The following SPTBN4 variants were observed in gnomAD, a reference collection of about 807,000 sequenced individuals.
SPTBN4 encodes spectrin beta chain, non-erythrocytic 4.
Under a neutral mutation model 277.8 loss-of-function variants are expected in SPTBN4, and 96 were observed. The observed-to-expected ratio is 0.35, with a 90% CI of 0.29 to 0.41. The LOEUF is 0.41. Ranked by LOEUF, SPTBN4 falls within the 10% of genes least tolerant of loss-of-function variation. The pLI is 1.00. For missense variants in SPTBN4, 3,006 were observed against 3,595.7 expected (o/e 0.84, Z 4.19); for synonymous variants, 1,481 against 1,580.3 (o/e 0.94, Z 1.49).
chr19:40,546,043 C>G (rs2080855024), intron 20 of SPTBN4, among the ~76,000 whole-genome samples: 1 of 122,546 alleles, frequency 8.2e-6, no homozygotes. Context: ...GAGCGAGACT[C>G]TGCCTCAAAA....
intron 25 of SPTBN4, among the ~76,000 whole-genome samples, chr19:40,556,626 C>G (rs760651831): frequency 6.6e-6 from 1 of 152,076 alleles, no homozygotes; most frequent in Non-Finnish European, 1.5e-5. Context: ...CTCTTACCTG[C>G]CACAAAATGG....
rs1421218481 is a variant in SPTBN4, at chr19:40,549,375, G to A, written c.4546G>A (p.Glu1516Lys). 1.3e-6 allele frequency: 2 copies of A among 1,483,616 alleles called. No individual in the cohort carries two copies. Among genetic ancestry groups the A allele is most frequent in the Middle Eastern group, 2.3e-4 (1 of 4,440 alleles). The allele number at this position is 1,483,616 out of a possible 1,614,324, so 91.9% of individuals were successfully genotyped here. A position where few individuals can be genotyped will look rare whatever the true frequency, so the allele number is the denominator to read the frequency against. ...CCGCCGCTTGCTGCTGGCTTCCAAG[G>A]AGTTGCACCAGGTGGCGCACGACCT... The part of the protein sequence containing the change: ...ERRRLLLASK[E>K]LHQVAHDLDD... The change falls in exon 21 of 36, where the codon GAG becomes AAG. Residue 1516 changes from glutamate to lysine, a missense_variant. By Grantham distance (56) the Glu-to-Lys change is moderately conservative (BLOSUM62 1). Transcript: ENST00000598249.
Position 40,568,145 on chromosome 19 carries a change from G to A in SPTBN4, c.6819G>A (p.Ala2273=), listed in dbSNP as rs1377482845. The change falls in exon 31 of 36, where the codon GCG becomes GCA. Residue 2273 remains alanine, a synonymous_variant. Coordinates refer to ENST00000598249, the MANE Select transcript of SPTBN4 (RefSeq NM_020971.3). The part of the protein sequence containing the change: ...RRRRPERQES[A]EHEAAHSLTL... ...GGCGGCCGGAGCGGCAGGAGTCAGC[G>A]GAGCACGAGGCGGCACACAGCCTTA... 1.9e-6 allele frequency: 3 copies of A among 1,578,222 alleles called. No homozygotes were observed. Among genetic ancestry groups the A allele is most frequent in the South Asian group, 2.3e-5 (2 of 86,682 alleles).
rs746219802 is a variant in SPTBN4 at position 40,569,969 on chromosome 19, CACACAG to C, written c.7026+249_7026+254del. 1.1e-3 allele frequency among the ~76,000 whole-genome samples: 143 copies of C among 127,446 alleles called. 1 individual carries two copies. Among genetic ancestry groups the C allele is most frequent in the African/African-American group, 3.4e-3 (110 of 32,680 alleles). The allele number at this position is 127,446 out of a possible 152,430, so 83.6% of individuals were successfully genotyped here. A position where few individuals can be genotyped will look rare whatever the true frequency, so the allele number is the denominator to read the frequency against. On this transcript the variant is annotated intron_variant, in intron 32 of 35. Transcript: ENST00000598249. ...ACACACACACACACACACACACACA[CACACAG>C]ACACACACACACAGACACACACACA... is the stretch of plus-strand genomic sequence containing the variant.
intron 19 of SPTBN4, 94 bp downstream of exon 19, chr19:40,532,865 C>A (rs1310628220): frequency 2.1e-6 from 3 of 1,447,414 alleles, no homozygotes; most frequent in Non-Finnish European, 2.8e-6. Context: ...TGCCATCCTG[C>A]TGGTCTTACA....
chr19:40,568,983 A>G (rs1183776761), intron 31 of SPTBN4, among the ~76,000 whole-genome samples: 1 of 152,156 alleles, frequency 6.6e-6, no homozygotes, highest in East Asian at 1.9e-4. Context: ...CCCTGACTTT[A>G]GAGACTCACA....
At position 40,549,332 on chromosome 19, in the gene SPTBN4, C is replaced by T. The variant is rs1014139354; in HGVS notation, c.4503C>T (p.Leu1501=). The change falls in exon 21 of 36, where the codon CTC becomes CTT. Residue 1501 remains leucine (L), a synonymous_variant. Transcript: ENST00000598249. ...NAVGERLVRL[L]EPLQERRRLL... ...TGGGCGAGCGCCTGGTGCGCCTGCT[C>T]GAGCCGTTGCAGGAGCGCCGCCGCT... The T allele has an allele frequency of 5.2e-6, 8 of 1,536,020 alleles. No homozygotes were observed. In the East Asian group the frequency reaches 7.4e-5, roughly 14 times the overall value.
chr19:40,529,208 G>C, intron 18 of SPTBN4, 77 bp downstream of exon 18: 1 of 1,376,864 alleles, frequency 7.3e-7, no homozygotes, highest in Non-Finnish European at 1.0e-6. Flanking sequence ...CGAGGTGGGG[G>C]TGGGGACGCC....
intron 27 of SPTBN4, among the ~76,000 whole-genome samples, chr19:40,561,523 C>G (rs957285833): frequency 2.0e-5 from 3 of 152,156 alleles, no homozygotes; most frequent in Non-Finnish European, 4.4e-5. Flanking sequence ...TTATTACTTT[C>G]TGAAATATAG....
Position 40,529,087 on chromosome 19 carries a change from C to T in SPTBN4, c.3904C>T (p.His1302Tyr), listed in dbSNP as rs2080629655. Reference sequence around the variant, plus strand: ...GGCCCAGCAATGGATGCAAAAGCTACATGACCAACTTGAGCTGCAGCACTT... The same window carrying T: ...GGCCCAGCAATGGATGCAAAAGCTATATGACCAACTTGAGCTGCAGCACTT... ...LRAQQWMQKL[H>Y]DQLELQHFLR... is the part of the protein sequence containing the mutation. The change falls in exon 18 of 36, where the codon CAT becomes TAT. Residue 1302 changes from histidine to tyrosine, a missense_variant. His to Tyr is a moderately conservative substitution (Grantham distance 83). Transcript: ENST00000598249. 6.2e-7 allele frequency: 1 copy of T among 1,614,040 alleles called. No individual in the cohort carries two copies. The highest frequency in any genetic ancestry group is 2.2e-5 in the East Asian group (1 of 44,898).
chr19:40,535,348 G>T (rs539743107), intron 20 of SPTBN4, among the ~76,000 whole-genome samples: 5 of 152,038 alleles, frequency 3.3e-5, no homozygotes, highest in Non-Finnish European at 7.4e-5. Flanking sequence ...GTGAGCCATG[G>T]TATCTGGCCC....
intron 20 of SPTBN4, among the ~76,000 whole-genome samples, chr19:40,544,127 C>CTTTTTTTTTTTTT (rs10618096): frequency 6.2e-5 from 8 of 128,890 alleles, no homozygotes; most frequent in Admixed American, 1.6e-4. Flanking sequence ...TCTTCTTCCT[C>CTTTTTTTTTTTTT]TTTTTTTTTT....
At position 40,505,938 on chromosome 19, in the gene SPTBN4, G is replaced by A. The variant is rs1046619464; in HGVS notation, c.1666-298G>A. 3.5e-4 allele frequency among the ~76,000 whole-genome samples: 54 copies of A among 152,284 alleles called. 2 individuals are homozygous for A. Among genetic ancestry groups the A allele is most frequent in the South Asian group, 4.1e-4 (2 of 4,824 alleles). On this transcript the variant is annotated intron_variant, in intron 12 of 35. Transcript: ENST00000598249. ...CAGAGCCCAGAAATGTGGAGTCCAC[G>A]AGAGATGGAAACATTCAGAGAGAGA...
Position 40,513,504 on chromosome 19 carries a change from C to T in SPTBN4, c.2715C>T (p.Leu905=), listed in dbSNP as rs768150494. The T allele has an allele frequency of 3.8e-6, 6 of 1,598,144 alleles. No individual in the cohort carries two copies. The highest frequency in any genetic ancestry group is 2.5e-6 in the Non-Finnish European group (3 of 1,177,492). Residue 905 remains leucine, a synonymous_variant, in exon 14 of 36, where the codon CTC becomes CTT. Coordinates refer to ENST00000598249, the MANE Select transcript of SPTBN4 (RefSeq NM_020971.3). The part of the protein sequence containing the change: ...LWIGEKEQWL[L]SMRVPDSLDD... ...TCGGCGAGAAGGAGCAATGGCTGCT[C>T]TCCATGCGTGTGCCGGATTCACTCG...
intron 20 of SPTBN4, among the ~76,000 whole-genome samples, chr19:40,537,782 C>A (rs962361946): frequency 2.0e-5 from 3 of 152,060 alleles, no homozygotes; most frequent in African/African-American, 7.3e-5. Context: ...GTGCAGGTCT[C>A]CCAGGGCCAG....
rs753707684 is a variant in SPTBN4, at chr19:40,501,965, G to A, written c.829G>A (p.Val277Met). 6.2e-6 allele frequency: 10 copies of A among 1,614,190 alleles called. No individual in the cohort carries two copies. Among genetic ancestry groups the A allele is most frequent in the South Asian group, 1.1e-5 (1 of 91,092 alleles). ...APDEKSIITY[V>M]VSFYHYFSKM... Reference sequence around the variant, plus strand: ...AGATGAGAAGTCCATCATCACCTACGTGGTCTCTTTCTACCACTATTTCTC... The same window carrying A: ...AGATGAGAAGTCCATCATCACCTACATGGTCTCTTTCTACCACTATTTCTC... The change falls in exon 8 of 36, where the codon GTG (valine) becomes ATG (methionine). Residue 277 changes from valine (V) to methionine (M), a missense_variant. Transcript: ENST00000598249.
intron 33 of SPTBN4, 164 bp from the exon 34 acceptor site, chr19:40,571,855 C>G: frequency 1.5e-6 from 1 of 684,398 alleles, no homozygotes; most frequent in Non-Finnish European, 2.3e-6. Context: ...CTCAGGGCAG[C>G]AACAGCCTTA....
intron 35 of SPTBN4, among the ~76,000 whole-genome samples, chr19:40,572,834 C>T (rs1364873547): frequency 6.6e-6 from 1 of 152,110 alleles, no homozygotes; most frequent in Non-Finnish European, 1.5e-5. Flanking sequence ...GTGGCAGGTG[C>T]CTTAATCCCA....
chr19:40,505,382 CA>C lies in SPTBN4; in HGVS notation c.1666-832del, dbSNP rs1209780246. ...TGGATGACAGAGTGAGACCCTGTCTCAAAAAAAAAAAAAAAAAAAAAAGAAG... is the reference window on the plus strand; with the variant it reads ...TGGATGACAGAGTGAGACCCTGTCTCAAAAAAAAAAAAAAAAAAAAAGAAG... On this transcript the variant is annotated intron_variant, in intron 12 of 35. Transcript: ENST00000598249. Among the ~76,000 whole-genome samples, 554 of 55,872 alleles carry C rather than the reference CA, an allele frequency of 9.9e-3. 7 individuals carry two copies. Among genetic ancestry groups the C allele is most frequent in the South Asian group, 0.083 (122 of 1,470 alleles). The allele number at this position is 55,872 out of a possible 152,430, so 36.7% of individuals were successfully genotyped here.
Sources: allele counts gnomAD v4.1 joint callset (sites outside exome capture counted in the v4.1 genomes callset), GRCh38; gene constraint gnomAD v4.1.1; transcripts MANE v1.5; gene names NCBI Gene and HGNC (gene_info 2026-07-23, HGNC 2026-07-21).